The following SLC38A12 variants were observed in gnomAD, a reference collection of about 807,000 sequenced individuals.
SLC38A12 encodes putative sodium-coupled neutral amino acid transporter 12.
chr17:74,832,771 TTATC>T, the SLC38A12 span, among the ~76,000 whole-genome samples: 1 of 152,258 alleles, frequency 6.6e-6, no homozygotes, highest in Admixed American at 6.5e-5. Context: ...CGTCAGGTGT[TTATC>T]CCACTTTCTA....
the SLC38A12 span, chr17:74,837,640 G>C: frequency 6.1e-6 from 6 of 985,572 alleles, no homozygotes; most frequent in South Asian, 2.3e-4. Context: ...TAGGGGCTGA[G>C]CGTGGGTGCT....
At chr17:74,809,465 C>T in the SLC38A12 span, among the ~76,000 whole-genome samples, 74 of 152,288 alleles carry the variant, frequency 4.9e-4, no homozygotes, top group African/African-American at 1.7e-3. Context: ...TGCTGTCCAG[C>T]TCTCCCTGTC....
the SLC38A12 span, among the ~76,000 whole-genome samples, chr17:74,819,483 A>T: frequency 6.6e-6 from 1 of 152,326 alleles, no homozygotes; most frequent in South Asian, 2.1e-4. Context: ...CCCTGGAATG[A>T]CACCTGGGCC....
the SLC38A12 span, among the ~76,000 whole-genome samples, chr17:74,827,896 C>T: frequency 7.1e-6 from 1 of 141,114 alleles, no homozygotes; most frequent in African/African-American, 2.7e-5. This position sits in a 1 kb window ranked among gnomAD's most constrained non-coding sequence, Gnocchi z 4.7. Context: ...TGGTATTACG[C>T]ACCCACCCCT....
the SLC38A12 span, among the ~76,000 whole-genome samples, chr17:74,829,990 A>G: frequency 2.0e-5 from 3 of 152,114 alleles, no homozygotes; most frequent in Non-Finnish European, 2.9e-5. This position sits in a 1 kb window ranked among gnomAD's most constrained non-coding sequence, Gnocchi z 4.1. Flanking sequence ...TTGATGCCCA[A>G]GGGTGTGTGT....
chr17:74,807,637 G>A, the SLC38A12 span, among the ~76,000 whole-genome samples: 1 of 152,220 alleles, frequency 6.6e-6, no homozygotes, highest in African/African-American at 2.4e-5. Context: ...TTCTGTCTTT[G>A]GGGGGCAGAA....
chr17:74,826,798 C>T, the SLC38A12 span, among the ~76,000 whole-genome samples: 1 of 152,178 alleles, frequency 6.6e-6, no homozygotes, highest in Admixed American at 6.5e-5. Context: ...AGGGCACACA[C>T]CTGGAGGCCC....
At chr17:74,838,014 G>T in the SLC38A12 span, 1 of 985,832 alleles carries the variant, frequency 1.0e-6, no homozygotes, top group Non-Finnish European at 1.2e-6. Context: ...GTATCTCAGC[G>T]TCTTCAGACC....
chr17:74,790,732 C>T, the SLC38A12 span, among the ~76,000 whole-genome samples: 5 of 150,350 alleles, frequency 3.3e-5, no homozygotes, highest in Non-Finnish European at 7.4e-5. Context: ...CTGACGCCTG[C>T]TCTCCCTTTC....
At chr17:74,810,478 CAG>C in the SLC38A12 span, among the ~76,000 whole-genome samples, 1 of 152,232 alleles carries the variant, frequency 6.6e-6, no homozygotes, top group Non-Finnish European at 1.5e-5. Flanking sequence ...ATCACTGCTG[CAG>C]AGAGGGACGT....
the SLC38A12 span, among the ~76,000 whole-genome samples, chr17:74,835,763 T>TGAGC: frequency 6.6e-6 from 1 of 152,188 alleles, no homozygotes; most frequent in African/African-American, 2.4e-5. Flanking sequence ...CTTCCTCTGA[T>TGAGC]GAGCAGCCAC....
the SLC38A12 span, among the ~76,000 whole-genome samples, chr17:74,830,263 G>T: frequency 6.6e-6 from 1 of 152,236 alleles, no homozygotes; most frequent in East Asian, 1.9e-4. Flanking sequence ...CCAGGGTGAG[G>T]TTCCAGGAGG....
chr17:74,835,807 A>G, the SLC38A12 span: 27 of 1,491,746 alleles, frequency 1.8e-5, no homozygotes, highest in African/African-American at 2.5e-4. Context: ...CTGCATGAAC[A>G]TGCATTTAAT....
the SLC38A12 span, among the ~76,000 whole-genome samples, chr17:74,819,522 C>G: frequency 6.6e-6 from 1 of 152,250 alleles, no homozygotes; most frequent in Admixed American, 6.5e-5. Flanking sequence ...ATTGTCGGAA[C>G]AGTACATGTG....
At chr17:74,816,641 T>A in the SLC38A12 span, among the ~76,000 whole-genome samples, 1 of 152,228 alleles carries the variant, frequency 6.6e-6, no homozygotes, top group Admixed American at 6.5e-5. Context: ...ATGACCAGTT[T>A]GAAGATGTTA....
the SLC38A12 span, chr17:74,838,286 C>T: frequency 1.0e-5 from 10 of 985,814 alleles, no homozygotes; most frequent in East Asian, 1.1e-4. Flanking sequence ...TCTATCATTG[C>T]GACTTCCTCC....
At chr17:74,790,357 C>A in the SLC38A12 span, 7 of 1,454,452 alleles carry the variant, frequency 4.8e-6, no homozygotes, top group South Asian at 4.5e-5. Context: ...TCCCTTTCTT[C>A]ATGGAGAGGG....
At chr17:74,777,210 T>G in the SLC38A12 span, 1 of 1,163,788 alleles carries the variant, frequency 8.6e-7, no homozygotes, top group South Asian at 1.2e-5. Flanking sequence ...GCAAGCCTCC[T>G]CCCACCCCTG....
the SLC38A12 span, among the ~76,000 whole-genome samples, chr17:74,803,108 T>C: frequency 6.6e-6 from 1 of 152,246 alleles, no homozygotes; most frequent in Non-Finnish European, 1.5e-5. Context: ...ACAAAGTGAT[T>C]CCTTACTTTA....
Sources: gnomAD v4.1 joint callset for allele counts (sites outside exome capture counted in the v4.1 genomes callset) on GRCh38, gnomAD v4.1.1 for gene constraint, Gnocchi (gnomAD v3.1) non-coding constraint, MANE v1.5 for transcripts, NCBI Gene and HGNC (gene_info 2026-07-23, HGNC 2026-07-21) for gene names.